CFAP20DC: variants seen among roughly 807,000 people sequenced by gnomAD.
CFAP20DC encodes the protein CFAP20 domain containing, also known as protein CFAP20DC.
CFAP20DC carries 84 observed loss-of-function variants against 101.7 expected under a neutral mutation model. That is an observed-to-expected ratio of 0.83 (90% confidence interval 0.69 to 0.99). CFAP20DC has a LOEUF of 0.99. CFAP20DC is among the 50% of genes least tolerant of loss of function. CFAP20DC has a pLI of 0.00. For synonymous variants in CFAP20DC, 359 were observed against 351.2 expected, an observed-to-expected ratio of 1.02 and a Z score of -0.25; for missense variants, 1,007 against 970.3, an observed-to-expected ratio of 1.04 and a Z score of -0.50.
At chr3:58,767,456 G>C (rs910622157) in intron 15 of CFAP20DC, among the ~76,000 whole-genome samples, 1 of 152,108 alleles carries the variant, frequency 6.6e-6, no homozygotes, top group Non-Finnish European at 1.5e-5. Context: ...AAAACATATA[G>C]AAAGTGCTCT....
chr3:58,762,405 T>A (rs1038262620), intron 15 of CFAP20DC, among the ~76,000 whole-genome samples: 4 of 152,152 alleles, frequency 2.6e-5, no homozygotes, highest in African/African-American at 9.7e-5. Context: ...TCTCCCTCCA[T>A]CCTTTTATTT....
At chr3:59,047,047 G>A (rs1699920907) in intron 2 of CFAP20DC, 118 bp downstream of exon 2, 1 of 661,442 alleles carries the variant, frequency 1.5e-6, no homozygotes, top group South Asian at 1.9e-5. Context: ...TGTCATGAAA[G>A]GGTTTTGGAG....
intron 4 of CFAP20DC, among the ~76,000 whole-genome samples, chr3:58,995,314 T>C (rs1286891241): frequency 6.6e-6 from 1 of 151,572 alleles, no homozygotes; most frequent in Admixed American, 6.6e-5. Context: ...GAACAACCAC[T>C]GGCACATGTC....
At chr3:59,045,056 A>G (rs572891203) in intron 3 of CFAP20DC, among the ~76,000 whole-genome samples, 1 of 152,036 alleles carries the variant, frequency 6.6e-6, no homozygotes, top group East Asian at 1.9e-4. Context: ...TTTAAGTGGC[A>G]ATAAATTAAA....
At chr3:58,872,202 C>T (rs1339232765) in intron 7 of CFAP20DC, among the ~76,000 whole-genome samples, 1 of 152,142 alleles carries the variant, frequency 6.6e-6, no homozygotes, top group East Asian at 1.9e-4. Flanking sequence ...CAATGATGGT[C>T]CCAAGTAAGT....
chr3:58,815,116 G>C (rs1018182968), intron 14 of CFAP20DC, among the ~76,000 whole-genome samples: 7 of 150,288 alleles, frequency 4.7e-5, no homozygotes, highest in African/African-American at 1.5e-4. Context: ...TATACTACAA[G>C]GCTACAGTAA....
intron 4 of CFAP20DC, among the ~76,000 whole-genome samples, chr3:59,027,041 G>T (rs2093906295): frequency 6.6e-6 from 1 of 152,096 alleles, no homozygotes. Context: ...TTTACTGTGA[G>T]GAAACGGAAA....
At chr3:58,931,083 CG>C (rs1559843212) in intron 5 of CFAP20DC, among the ~76,000 whole-genome samples, 1 of 152,164 alleles carries the variant, frequency 6.6e-6, no homozygotes, top group South Asian at 2.1e-4. Flanking sequence ...TGCGCTTTTC[CG>C]ATGGGGCTTA....
chr3:58,744,049 GCAGTGCTA>G (rs2068032294), intron 16 of CFAP20DC, among the ~76,000 whole-genome samples: 1 of 152,240 alleles, frequency 6.6e-6, no homozygotes, highest in Non-Finnish European at 1.5e-5. Context: ...TGAGTTGAGT[GCAGTGCTA>G]GCAGTCTTTA....
intron 4 of CFAP20DC, among the ~76,000 whole-genome samples, chr3:59,016,780 T>A (rs2093698293): frequency 6.6e-6 from 1 of 152,110 alleles, no homozygotes; most frequent in Non-Finnish European, 1.5e-5. Flanking sequence ...TCTAACAAGT[T>A]CCAAGGTTGC....
rs536318420 is a variant in CFAP20DC at position 59,010,385 on chromosome 3, A to C, written c.278+29172T>G. Reference sequence around the variant, plus strand: ...AAAGAGATATTCCATGTAAATGGAAACCAAAAGCAAGCAGAAGTAGCTATT... The same window carrying C: ...AAAGAGATATTCCATGTAAATGGAACCCAAAAGCAAGCAGAAGTAGCTATT... On this transcript the variant is annotated intron_variant, in intron 4 of 16. Coordinates refer to ENST00000482387, the MANE Select transcript of CFAP20DC (RefSeq NM_001394063.1). 5.1e-4 allele frequency among the ~76,000 whole-genome samples: 78 copies of C among 152,256 alleles called. 1 individual carries two copies. The highest frequency in any genetic ancestry group is 1.9e-3 in the African/African-American group (77 of 41,560).
intron 15 of CFAP20DC, among the ~76,000 whole-genome samples, chr3:58,764,886 C>A (rs1170222301): frequency 6.6e-6 from 1 of 152,160 alleles, no homozygotes; most frequent in East Asian, 1.9e-4. Context: ...CACACCTGCA[C>A]ATATTGAGTA....
At position 58,863,273 on chromosome 3, in the gene CFAP20DC, C is replaced by T. The variant is rs2079400244; in HGVS notation, c.1593+285G>A. ...GCTATCATAGCACTAAACTGCATATCGTTTCTCATCCTGTGATTCAAAGAT... is the reference window on the plus strand; with the variant it reads ...GCTATCATAGCACTAAACTGCATATTGTTTCTCATCCTGTGATTCAAAGAT... On this transcript the variant is annotated intron_variant, in intron 12 of 16. Coordinates refer to ENST00000482387, the MANE Select transcript of CFAP20DC (RefSeq NM_001394063.1). This position sits in a 1 kb window ranked among gnomAD's most constrained non-coding sequence, Gnocchi z 5.9. 3 of 1,400,536 alleles carry T rather than the reference C, an allele frequency of 2.1e-6. No homozygotes were observed. Among genetic ancestry groups the T allele is most frequent in the Admixed American group, 3.2e-5 (1 of 31,174 alleles). The allele number at this position is 1,400,536 out of a possible 1,614,324, so 86.8% of individuals were successfully genotyped here.
In CFAP20DC at chr3:58,891,585, G is replaced by C. The variant is rs898020984; in HGVS notation, c.551-6876C>G. 2.6e-5 allele frequency among the ~76,000 whole-genome samples: 4 copies of C among 151,998 alleles called. No individual in the cohort carries two copies. The East Asian group carries it at 7.7e-4, about 29-fold the overall frequency. ...TGATACTGAGCTTTTTTTCATGTTC[G>C]TTGGCTGCATGTACGGCTTCTTTTG... is the stretch of plus-strand genomic sequence containing the variant. On this transcript the variant is annotated intron_variant, in intron 6 of 16. Transcript: ENST00000482387.
At chr3:58,762,834 A>G (rs1231010800) in intron 15 of CFAP20DC, among the ~76,000 whole-genome samples, 2 of 152,166 alleles carry the variant, frequency 1.3e-5, no homozygotes, top group Non-Finnish European at 1.5e-5. Context: ...TGGGTTGAAA[A>G]TTATTTTCTT....
intron 4 of CFAP20DC, among the ~76,000 whole-genome samples, chr3:58,956,907 T>C (rs1364665247): frequency 1.3e-5 from 2 of 152,124 alleles, no homozygotes; most frequent in Non-Finnish European, 2.9e-5. Flanking sequence ...GAACTCACTA[T>C]CACGAGAATA....
At chr3:59,031,853 C>A (rs2094001167) in intron 4 of CFAP20DC, among the ~76,000 whole-genome samples, 1 of 152,122 alleles carries the variant, frequency 6.6e-6, no homozygotes, top group Admixed American at 6.5e-5. Flanking sequence ...TTAGTTTGTA[C>A]CAAACTTACT....
At chr3:58,921,318 G>C (rs2085343218) in intron 5 of CFAP20DC, among the ~76,000 whole-genome samples, 1 of 151,586 alleles carries the variant, frequency 6.6e-6, no homozygotes, top group Non-Finnish European at 1.5e-5. Context: ...ACCTTTCTTA[G>C]ATGCTTATAT....
chr3:58,771,808 C>T (rs115848354), intron 15 of CFAP20DC, among the ~76,000 whole-genome samples: 1,689 of 152,222 alleles, frequency 0.011, 40 homozygotes, highest in African/African-American at 0.038. Context: ...AATTTGCTGC[C>T]CCTAGCCCAA....
Sources: gnomAD v4.1 joint callset for allele counts (sites outside exome capture counted in the v4.1 genomes callset) on GRCh38, gnomAD v4.1.1 for gene constraint, Gnocchi (gnomAD v3.1) non-coding constraint, MANE v1.5 for transcripts, NCBI Gene and HGNC (gene_info 2026-07-23, HGNC 2026-07-21) for gene names.